ASAP1: variants seen among roughly 807,000 people sequenced by gnomAD.
ASAP1 encodes ArfGAP with SH3 domain, ankyrin repeat and PH domain 1, also known as arf-GAP with SH3 domain, ANK repeat and PH domain-containing protein 1.
In ASAP1, 43 loss-of-function variants were observed where a neutral mutation model predicts 145.2. The observed-to-expected ratio is 0.30, with a 90% confidence interval of 0.23 to 0.38. ASAP1 has a LOEUF of 0.38. Ranked by LOEUF, ASAP1 falls within the 10% of genes least tolerant of loss-of-function variation. The pLI is 1.00. For synonymous variants in ASAP1, 546 were observed against 515.5 expected (o/e 1.06, Z -0.80); for missense variants, 1,018 against 1,355.3 (o/e 0.75, Z 3.91).
chr8:130,125,602 C>G (rs1456004303), intron 17 of ASAP1, among the ~76,000 whole-genome samples: 1 of 152,026 alleles, frequency 6.6e-6, no homozygotes, highest in African/African-American at 2.4e-5. Flanking sequence ...TCATTATTTA[C>G]AACAGAAGCC....
chr8:130,361,208 C>T (rs1450848050), intron 2 of ASAP1: 1 of 180,482 alleles, frequency 5.5e-6, no homozygotes, highest in African/African-American at 2.4e-5. Flanking sequence ...TTATTAAAAG[C>T]CAAAAGTCAG....
intron 27 of ASAP1, among the ~76,000 whole-genome samples, chr8:130,069,292 G>A (rs1048584234): frequency 6.6e-6 from 1 of 152,190 alleles, no homozygotes; most frequent in Admixed American, 6.5e-5. Context: ...CTGGAGTGCA[G>A]TGGCGTGATC....
chr8:130,297,958 A>AT (rs1822389090), intron 3 of ASAP1, among the ~76,000 whole-genome samples: 1 of 152,198 alleles, frequency 6.6e-6, no homozygotes, highest in Admixed American at 6.5e-5. Context: ...AAAGAATCAC[A>AT]TAACTGGGAG....
chr8:130,204,876 C>CA (rs1437631492), intron 5 of ASAP1, among the ~76,000 whole-genome samples: 1 of 152,180 alleles, frequency 6.6e-6, no homozygotes, highest in Non-Finnish European at 1.5e-5. Flanking sequence ...GTAAAGTACT[C>CA]AAAGTGCCAG....
chr8:130,437,651 G>C (rs575028078), intron 1 of ASAP1, among the ~76,000 whole-genome samples: 1 of 152,172 alleles, frequency 6.6e-6, no homozygotes, highest in South Asian at 2.1e-4. Flanking sequence ...ACACAGTGTT[G>C]TTACACACAG....
rs753080537 is a variant in ASAP1 at position 130,128,105 on chromosome 8, A to AT, written c.1218-16dup. The AT allele has an allele frequency of 4.6e-5, 68 of 1,492,268 alleles. 1 individual carries two copies. In the South Asian group the frequency reaches 9.4e-4, roughly 21 times the overall value. The allele number at this position is 1,492,268 out of a possible 1,614,324, so 92.4% of individuals were successfully genotyped here. A position where few individuals can be genotyped will look rare whatever the true frequency, so the allele number is the denominator to read the frequency against. On this transcript the variant is annotated splice_polypyrimidine_tract_variant and intron_variant, in intron 15 of 29. Transcript: ENST00000518721. ...CTGATATCCATCTGTTGGTAAAAACATAAGAGGAAAAAAGTCTTTATAAGA... is the reference window on the plus strand; with the variant it reads ...CTGATATCCATCTGTTGGTAAAAACATTAAGAGGAAAAAAGTCTTTATAAGA...
intron 3 of ASAP1, among the ~76,000 whole-genome samples, chr8:130,338,194 G>A (rs1401276071): frequency 6.6e-6 from 1 of 152,132 alleles, no homozygotes; most frequent in African/African-American, 2.4e-5. Context: ...TCAGAAAAAG[G>A]TATATATTTA....
chr8:130,385,295 G>A lies in ASAP1; in HGVS notation c.59+16590C>T, dbSNP rs188110382. On this transcript the variant is annotated intron_variant, in intron 2 of 29. Transcript: ENST00000518721. ...AGCCTGGCCAACATGGTGAAACCCCGTCTCCACTAAAATAAATAAATAAAT... is the reference window on the plus strand; with the variant it reads ...AGCCTGGCCAACATGGTGAAACCCCATCTCCACTAAAATAAATAAATAAAT... Among the ~76,000 whole-genome samples, 862 of 152,218 alleles carry A rather than the reference G, an allele frequency of 5.7e-3. 5 individuals are homozygous for A. The highest frequency in any genetic ancestry group is 9.9e-3 in the Non-Finnish European group (676 of 68,018).
At chr8:130,264,326 TATAGG>T (rs1295673844) in intron 3 of ASAP1, among the ~76,000 whole-genome samples, 7 of 152,196 alleles carry the variant, frequency 4.6e-5, no homozygotes, top group African/African-American at 1.7e-4. Context: ...CTGGGATCTA[TATAGG>T]ATCCTGTGGT....
chr8:130,287,935 C>T (rs1372822537), intron 3 of ASAP1, among the ~76,000 whole-genome samples: 2 of 152,116 alleles, frequency 1.3e-5, no homozygotes, highest in Non-Finnish European at 2.9e-5. Context: ...TAGGTCCCTA[C>T]CCCAGCCTAT....
chr8:130,166,712 T>C (rs1211442950), intron 11 of ASAP1, among the ~76,000 whole-genome samples: 1 of 152,092 alleles, frequency 6.6e-6, no homozygotes, highest in Non-Finnish European at 1.5e-5. Context: ...ACACAGCAGG[T>C]GTTAATGAAA....
rs2097394643 is a variant in ASAP1 at position 130,052,410 on chromosome 8, T to C, written c.*2321A>G. 6.6e-6 allele frequency: 1 copy of C among 152,502 alleles called. No homozygotes were observed. The highest frequency in any genetic ancestry group is 1.5e-5 in the Non-Finnish European group (1 of 68,038). The allele number at this position is 152,502 out of a possible 1,614,324, so 9.4% of individuals were successfully genotyped here. A position where few individuals can be genotyped will look rare whatever the true frequency, so the allele number is the denominator to read the frequency against. ...CCCTCTGGGGGAAAAAGAACTAATT[T>C]GCTATTTTTTTTTCATAAGGTTCCA... On this transcript the variant is annotated 3_prime_UTR_variant, in exon 30 of 30. Coordinates refer to ENST00000518721, the MANE Select transcript of ASAP1 (RefSeq NM_018482.4).
At chr8:130,388,322 C>G (rs1236915244) in intron 2 of ASAP1, among the ~76,000 whole-genome samples, 1 of 152,142 alleles carries the variant, frequency 6.6e-6, no homozygotes, top group Non-Finnish European at 1.5e-5. Context: ...GAATTTCATT[C>G]TAAGTAAAAT....
chr8:130,270,875 C>T (rs1820543941), intron 3 of ASAP1, among the ~76,000 whole-genome samples: 1 of 150,914 alleles, frequency 6.6e-6, no homozygotes, highest in Non-Finnish European at 1.5e-5. Flanking sequence ...GTTAATCCTC[C>T]TTTTTTGAAA....
At chr8:130,349,311 T>C (rs1233921500) in intron 3 of ASAP1, among the ~76,000 whole-genome samples, 1 of 152,254 alleles carries the variant, frequency 6.6e-6, no homozygotes, top group African/African-American at 2.4e-5. Context: ...TTCTCTGTCA[T>C]CTGACCTCAT....
chr8:130,259,896 A>G (rs1339796009), intron 3 of ASAP1, among the ~76,000 whole-genome samples: 1 of 152,228 alleles, frequency 6.6e-6, no homozygotes, highest in Non-Finnish European at 1.5e-5. Context: ...AAGGCTTTCA[A>G]ATTAAGTGCA....
intron 3 of ASAP1, among the ~76,000 whole-genome samples, chr8:130,283,563 C>T (rs1477022002): frequency 2.5e-5 from 3 of 118,602 alleles, no homozygotes; most frequent in African/African-American, 1.0e-4. Flanking sequence ...AGCCTGGTGA[C>T]AGAACAAGAC....
chr8:130,286,137 C>T (rs1250365865), intron 3 of ASAP1, among the ~76,000 whole-genome samples: 2 of 152,184 alleles, frequency 1.3e-5, no homozygotes, highest in Non-Finnish European at 2.9e-5. Context: ...AAAGAAGGCT[C>T]AGGGCACAGT....
intron 2 of ASAP1, among the ~76,000 whole-genome samples, chr8:130,391,456 C>G (rs1828281435): frequency 6.6e-6 from 1 of 152,204 alleles, no homozygotes; most frequent in South Asian, 2.1e-4. Flanking sequence ...GCATACTTCA[C>G]CACAATTAAA....
Sources: gnomAD v4.1 joint callset for allele counts (sites outside exome capture counted in the v4.1 genomes callset) on GRCh38, gnomAD v4.1.1 for gene constraint, MANE v1.5 for transcripts, NCBI Gene and HGNC (gene_info 2026-07-23, HGNC 2026-07-21) for gene names.